Variants in DNAH12 observed in about 807,000 individuals in gnomAD.
The protein encoded by DNAH12 is axonemal beta dynein heavy chain 12.
Under a neutral mutation model 371.5 loss-of-function variants are expected in DNAH12, and 285 were observed. The observed-to-expected ratio is 0.77, with a 90% CI of 0.70 to 0.85. The LOEUF (loss-of-function observed/expected upper bound fraction) is 0.85. Among genes scored for constraint, DNAH12 ranks in the 40% least tolerant of loss-of-function variants. DNAH12 has a pLI of 0.00. For missense variants in DNAH12, 3,611 were observed against 3,689.4 expected (o/e 0.98, Z 0.55); for synonymous variants, 1,200 against 1,213.0 (o/e 0.99, Z 0.22).
chr3:57,491,590 T>C (rs2067126338), intron 11 of DNAH12, among the ~76,000 whole-genome samples: 1 of 152,130 alleles, frequency 6.6e-6, no homozygotes, highest in African/African-American at 2.4e-5. Flanking sequence ...TACTCCTAAC[T>C]ACTCCCCTGT....
rs191154607 is a variant in DNAH12, at chr3:57,425,095, C to T, written c.5300G>A (p.Arg1767His). ...ATTGCAAAGTAGCACTTCAAAGAGG[C>T]GTGTGAGAGATACAACCACGTTGCT... Reference protein sequence around the residue: ...SNSNVVVSLTRLFEVLLCNVV... With the variant: ...SNSNVVVSLTHLFEVLLCNVV... The change falls in exon 35 of 74, where the codon CGC (arginine) becomes CAC (histidine). Residue 1767 changes from arginine to histidine, a missense_variant. By Grantham distance (29) the Arg-to-His change is conservative (BLOSUM62 0). Around this residue, in one of 3 missense-constraint regions of DNAH12, gnomAD observed 2,266 missense variants for 2,236.9 expected, o/e 1.01. Coordinates refer to ENST00000495027, the MANE Select transcript of DNAH12 (RefSeq NM_001366028.2). 6.1e-5 allele frequency: 43 copies of T among 702,650 alleles called. 2 individuals are homozygous for T. Among genetic ancestry groups the T allele is most frequent in the South Asian group, 3.7e-4 (25 of 67,548 alleles). 43.5% of individuals were successfully genotyped at this position (702,650 alleles called of 1,614,324 possible).
intron 13 of DNAH12, among the ~76,000 whole-genome samples, chr3:57,473,817 TAAA>T (rs2066439653): frequency 6.6e-6 from 1 of 151,808 alleles, no homozygotes; most frequent in African/African-American, 2.4e-5. Context: ...AACTTTAAAA[TAAA>T]AAGCAATCCG....
intron 13 of DNAH12, among the ~76,000 whole-genome samples, chr3:57,478,120 T>C (rs1029938509): frequency 2.0e-5 from 3 of 152,028 alleles, no homozygotes; most frequent in Non-Finnish European, 4.4e-5. Flanking sequence ...ATGATCAAAC[T>C]ACTTTGAGCT....
intron 65 of DNAH12, among the ~76,000 whole-genome samples, chr3:57,321,728 T>C (rs986642726): frequency 2.9e-4 from 44 of 152,210 alleles, no homozygotes; most frequent in African/African-American, 1.1e-3. Flanking sequence ...TCTTCCAATC[T>C]AGCCTATATC....
chr3:57,294,003 A>G (rs1335665106), intron 73 of DNAH12, 32 bp from the exon 74 acceptor site: 21 of 1,428,476 alleles, frequency 1.5e-5, no homozygotes, highest in Non-Finnish European at 1.9e-5. Flanking sequence ...TATTCACTTG[A>G]TAAAGGGAAA....
chr3:57,470,469 A>G lies in DNAH12; in HGVS notation c.2079T>C (p.Val693=). 1 of 1,531,580 alleles carries G rather than the reference A, an allele frequency of 6.5e-7. No individual in the cohort carries two copies. The highest frequency in any genetic ancestry group is 8.8e-7 in the Non-Finnish European group (1 of 1,140,372). 94.9% of individuals were successfully genotyped at this position (1,531,580 alleles called of 1,614,324 possible). A position where few individuals can be genotyped will look rare whatever the true frequency, so the allele number is the denominator to read the frequency against. The change falls in exon 16 of 74, where the codon GTT becomes GTC. Residue 693 remains valine, a synonymous_variant. Transcript: ENST00000495027. ...IEPYQKFFNF[V]LKWQRSEKRW... ...GTTTTTCTGATCGCTGCCACTTCAA[A>G]ACAAAATTAAAAAACTTCTGATAGG...
rs190020197 is a variant in DNAH12, at chr3:57,531,639, T to C, written c.171-7755A>G. Among the ~76,000 whole-genome samples the C allele has an allele frequency of 3.2e-3, 492 of 152,036 alleles. 4 individuals carry two copies. The highest frequency in any genetic ancestry group is 5.5e-3 in the Non-Finnish European group (371 of 67,968). ...AATATCTGGGTGTGGCGGCATGTGC[T>C]GTAATCCCAGCTACTCAGGAGGCTG... On this transcript the variant is annotated intron_variant, in intron 2 of 73. Coordinates refer to ENST00000495027, the MANE Select transcript of DNAH12 (RefSeq NM_001366028.2).
At chr3:57,433,892 T>TG in intron 30 of DNAH12, 64 bp from the exon 31 acceptor site, 2 of 1,282,688 alleles carry the variant, frequency 1.6e-6, no homozygotes, top group African/African-American at 1.5e-5. Context: ...TTTATATCAG[T>TG]ATATAAAACT....
At chr3:57,320,276 A>C (rs941865795) in intron 65 of DNAH12, among the ~76,000 whole-genome samples, 8 of 152,240 alleles carry the variant, frequency 5.3e-5, no homozygotes, top group African/African-American at 1.7e-4. Flanking sequence ...GTTCATTGCC[A>C]TATTACCAGT....
At chr3:57,509,364 C>A (rs1211195442) in intron 5 of DNAH12, 152 bp from the exon 6 acceptor site, 14 of 702,738 alleles carry the variant, frequency 2.0e-5, no homozygotes, top group Non-Finnish European at 3.2e-5. Flanking sequence ...AAATCAAGTT[C>A]TTGGTAGTAT....
At chr3:57,479,185 T>C (rs573731354) in intron 13 of DNAH12, among the ~76,000 whole-genome samples, 132 of 152,202 alleles carry the variant, frequency 8.7e-4, no homozygotes, top group Middle Eastern at 3.4e-3. Context: ...CCATCTCACG[T>C]GCAGAGACAC....
intron 6 of DNAH12, 130 bp downstream of exon 6, chr3:57,509,010 A>C (rs1428958695): frequency 7.8e-6 from 6 of 773,874 alleles, no homozygotes; most frequent in Non-Finnish European, 1.3e-5. Flanking sequence ...TAAAAACAAG[A>C]GTACTTTTTT....
intron 20 of DNAH12, among the ~76,000 whole-genome samples, chr3:57,458,709 A>G (rs1362031956): frequency 1.3e-5 from 2 of 152,238 alleles, no homozygotes; most frequent in African/African-American, 4.8e-5. Context: ...ATATGAAAAT[A>G]TCAGTGTCCA....
intron 32 of DNAH12, among the ~76,000 whole-genome samples, chr3:57,431,794 A>G (rs188348031): frequency 6.6e-5 from 10 of 152,248 alleles, no homozygotes; most frequent in East Asian, 1.9e-4. Context: ...AAGTGCTTCT[A>G]TGTTTTCCTA....
chr3:57,427,138 ATGTGTGTGTGTGTGTGTG>A lies in DNAH12; in HGVS notation c.5253+1477_5253+1494del, dbSNP rs71088070. On this transcript the variant is annotated intron_variant, in intron 34 of 73. Transcript: ENST00000495027. ...ATATTTATTTATATGTAAGAAGCGA[ATGTGTGTGTGTGTGTGTG>A]TGTGTGTGTGTGTGTGTAGGAGATG... Among the ~76,000 whole-genome samples, 41 of 138,872 alleles carry A rather than the reference ATGTGTGTGTGTGTGTGTG, an allele frequency of 3.0e-4. No homozygotes were observed. In the South Asian group the frequency reaches 7.4e-3, roughly 25 times the overall value. 91.1% of individuals were successfully genotyped at this position (138,872 alleles called of 152,430 possible). A position where few individuals can be genotyped will look rare whatever the true frequency, so the allele number is the denominator to read the frequency against.
chr3:57,554,219 G>C, the DNAH12 span, among the ~76,000 whole-genome samples: 2 of 130,972 alleles, frequency 1.5e-5, no homozygotes, highest in Non-Finnish European at 3.1e-5. Flanking sequence ...CCCGGGAGGT[G>C]GAGGCTGCAG....
At chr3:57,432,191 A>G (rs924775731) in intron 32 of DNAH12, among the ~76,000 whole-genome samples, 2 of 136,636 alleles carry the variant, frequency 1.5e-5, no homozygotes, top group African/African-American at 2.8e-5. Context: ...TTTTTCTGAG[A>G]TGGAGTCTTG....
chr3:57,417,925 T>C (rs7645059), intron 37 of DNAH12, among the ~76,000 whole-genome samples: 3,392 of 152,070 alleles, frequency 0.022, 97 homozygotes, highest in African/African-American at 0.077. Context: ...CCAAGGTGGA[T>C]GGATCATTTG....
At chr3:57,525,429 T>C (rs966107915) in intron 2 of DNAH12, among the ~76,000 whole-genome samples, 5 of 152,122 alleles carry the variant, frequency 3.3e-5, no homozygotes, top group Admixed American at 2.0e-4. Flanking sequence ...GCTGTACCCA[T>C]GGTACTCCAG....
Sources: allele counts gnomAD v4.1 joint callset (sites outside exome capture counted in the v4.1 genomes callset), GRCh38; gene constraint gnomAD v4.1.1; regional missense constraint gnomAD v4.1.1; transcripts MANE v1.5; gene names NCBI Gene and HGNC (gene_info 2026-07-23, HGNC 2026-07-21).